APBB2: variants seen among roughly 807,000 people sequenced by gnomAD.
APBB2 encodes the protein amyloid beta precursor protein binding family B member 2, also known as Fe65-like 1.
Under a neutral mutation model 82.5 loss-of-function variants are expected in APBB2, and 38 were observed. The ratio of observed to expected loss-of-function variants is 0.46; its 90% CI spans 0.36 to 0.60. The LOEUF (loss-of-function observed/expected upper bound fraction) is 0.60, where lower values mean the gene tolerates loss of function less well. Ranked by LOEUF, APBB2 falls within the 20% of genes least tolerant of loss-of-function variation. The probability of loss-of-function intolerance (pLI) is 0.00; values close to 1 mark genes in which losing one functional copy is unlikely to be tolerated. For missense variants in APBB2, 772 were observed against 972.3 expected (o/e 0.79, Z 2.74); for synonymous variants, 341 against 368.2 (o/e 0.93, Z 0.85).
intron 12 of APBB2, among the ~76,000 whole-genome samples, chr4:40,872,439 T>C (rs1765774928): frequency 6.6e-6 from 1 of 152,144 alleles, no homozygotes; most frequent in Non-Finnish European, 1.5e-5. Context: ...TTGACGGTCA[T>C]GTTAGAAAGT....
intron 3 of APBB2, among the ~76,000 whole-genome samples, chr4:41,075,417 T>C (rs1263971974): frequency 6.6e-6 from 1 of 152,232 alleles, no homozygotes; most frequent in Non-Finnish European, 1.5e-5. Context: ...TGTTCAATGA[T>C]GGAAGCTTCT....
At chr4:41,121,903 GTGTGTGTA>G (rs1220833121) in intron 2 of APBB2, among the ~76,000 whole-genome samples, 68 of 151,932 alleles carry the variant, frequency 4.5e-4, no homozygotes, top group Admixed American at 1.0e-3. Context: ...TTGTGTGTGT[GTGTGTGTA>G]TGTGTGTATG....
chr4:40,959,304 T>A (rs1792475807), intron 6 of APBB2, among the ~76,000 whole-genome samples: 1 of 152,028 alleles, frequency 6.6e-6, no homozygotes, highest in South Asian at 2.1e-4. Flanking sequence ...TTCCATACAA[T>A]TAAACAGAAT....
At chr4:41,045,993 TTTA>T (rs142109880) in intron 4 of APBB2, among the ~76,000 whole-genome samples, 13,473 of 152,258 alleles carry the variant, frequency 0.088, 720 homozygotes, top group Admixed American at 0.15. Context: ...ATGAAACATT[TTTA>T]TATTCAGAGA....
intron 12 of APBB2, among the ~76,000 whole-genome samples, chr4:40,838,329 A>AAT (rs1754692320): frequency 1.4e-5 from 1 of 72,274 alleles, no homozygotes; most frequent in Non-Finnish European, 2.5e-5. Flanking sequence ...CACATGGCTA[A>AAT]TTTTTTTTTT....
chr4:41,041,354 TGAA>T (rs1481336017), intron 4 of APBB2, among the ~76,000 whole-genome samples: 7 of 152,242 alleles, frequency 4.6e-5, no homozygotes, highest in Non-Finnish European at 8.8e-5. Flanking sequence ...GCATGCATAA[TGAA>T]GAGTATTTAA....
chr4:41,100,429 G>T (rs1463152375), intron 3 of APBB2, among the ~76,000 whole-genome samples: 1 of 151,396 alleles, frequency 6.6e-6, no homozygotes, highest in East Asian at 1.9e-4. Context: ...AAAAGAAATG[G>T]CACAATGTAG....
chr4:40,880,407 G>A, intron 12 of APBB2: 5 of 985,438 alleles, frequency 5.1e-6, no homozygotes, highest in African/African-American at 1.7e-5. Flanking sequence ...GTGACAACTC[G>A]TGTATGAAAA....
chr4:40,980,970 C>T (rs1382393754), intron 6 of APBB2, among the ~76,000 whole-genome samples: 1 of 152,108 alleles, frequency 6.6e-6, no homozygotes, highest in Admixed American at 6.5e-5. Flanking sequence ...TTAAAGACCC[C>T]GCTGAATCAG....
At chr4:41,089,521 C>G (rs1409800446) in intron 3 of APBB2, among the ~76,000 whole-genome samples, 1 of 152,086 alleles carries the variant, frequency 6.6e-6, no homozygotes, top group African/African-American at 2.4e-5. Context: ...AACTCCTGAG[C>G]CTGGGAGAAC....
intron 1 of APBB2, among the ~76,000 whole-genome samples, chr4:41,184,666 T>A (rs571192891): frequency 1.3e-5 from 2 of 152,280 alleles, no homozygotes; most frequent in East Asian, 3.9e-4. Flanking sequence ...CATTGCTAGA[T>A]CCCCCAATAA....
At chr4:41,019,231 G>A (rs1810818984) in intron 5 of APBB2, among the ~76,000 whole-genome samples, 2 of 152,134 alleles carry the variant, frequency 1.3e-5, no homozygotes, top group African/African-American at 4.8e-5. Context: ...ATGGTTTATT[G>A]TTTAAAGGCT....
intron 12 of APBB2, among the ~76,000 whole-genome samples, chr4:40,834,468 A>G (rs531981918): frequency 1.3e-5 from 2 of 152,344 alleles, no homozygotes; most frequent in South Asian, 4.1e-4. Flanking sequence ...ACGAAATCCA[A>G]GCATCACTTG....
At chr4:40,890,624 G>A (rs1195384469) in intron 11 of APBB2, 133 bp from the exon 12 acceptor site, 3 of 1,211,780 alleles carry the variant, frequency 2.5e-6, no homozygotes, top group Admixed American at 5.1e-5. Context: ...GTCTGCCTAA[G>A]AAACTTCCTT....
At chr4:41,189,698 A>G (rs1773878447) in intron 1 of APBB2, among the ~76,000 whole-genome samples, 1 of 152,348 alleles carries the variant, frequency 6.6e-6, no homozygotes, top group South Asian at 2.1e-4. Flanking sequence ...TCATTAGCTA[A>G]GTATTCTGGA....
At chr4:40,862,668 G>C (rs1000032436) in intron 12 of APBB2, among the ~76,000 whole-genome samples, 8 of 152,156 alleles carry the variant, frequency 5.3e-5, no homozygotes, top group African/African-American at 1.9e-4. Context: ...AGACCAGCCT[G>C]GTCAAGATGG....
rs1046174619 is a variant in APBB2, at chr4:41,127,302, A to C, written c.-261+15685T>G. Among the ~76,000 whole-genome samples, 7 of 152,358 alleles carry C rather than the reference A, an allele frequency of 4.6e-5. No homozygotes were observed. The highest frequency in any genetic ancestry group is 1.4e-4 in the African/African-American group (6 of 41,586). ...ATTTCTAAGCACCAGTTGCCAGTCC[A>C]CATTTTATAAGCATTTGTACTGCGA... is the stretch of plus-strand genomic sequence containing the variant. On this transcript the variant is annotated intron_variant, in intron 2 of 17. Coordinates refer to ENST00000508593, the MANE Select transcript of APBB2 (RefSeq NM_004307.2). This position sits in a 1 kb window ranked among gnomAD's most constrained non-coding sequence, Gnocchi z 4.8.
In APBB2 at chr4:40,840,779, A is replaced by C. The variant is rs994140159; in HGVS notation, c.1530-10202T>G. On this transcript the variant is annotated intron_variant, in intron 12 of 17. Transcript: ENST00000508593. ...CTGCAATTATCGAGGTGGCTTGGGC[A>C]AACTAGAATCTGTAGCCCTCTCTAG... 8.5e-4 allele frequency among the ~76,000 whole-genome samples: 130 copies of C among 152,160 alleles called. 12 individuals carry two copies. The highest frequency in any genetic ancestry group is 5.9e-5 in the Non-Finnish European group (4 of 68,016).
intron 3 of APBB2, among the ~76,000 whole-genome samples, chr4:41,088,210 C>CTTCCTGTGTTCCT (rs1248989688): frequency 6.6e-6 from 1 of 152,204 alleles, no homozygotes; most frequent in Non-Finnish European, 1.5e-5. Flanking sequence ...TAAACTCAGG[C>CTTCCTGTGTTCCT]TTCCTGTGTT....
Sources: gnomAD v4.1 joint callset for allele counts (sites outside exome capture counted in the v4.1 genomes callset) on GRCh38, gnomAD v4.1.1 for gene constraint, Gnocchi (gnomAD v3.1) non-coding constraint, MANE v1.5 for transcripts, NCBI Gene and HGNC (gene_info 2026-07-23, HGNC 2026-07-21) for gene names.